Variants in PAK1 observed in about 807,000 individuals in gnomAD.
The protein encoded by PAK1 is serine/threonine-protein kinase PAK 1.
Under a neutral mutation model 67.4 loss-of-function variants are expected in PAK1, and 29 were observed. The ratio of observed to expected loss-of-function variants is 0.43; its 90% CI spans 0.32 to 0.59. PAK1 has a LOEUF of 0.59. Ranked by LOEUF, PAK1 falls within the 20% of genes least tolerant of loss-of-function variation. The pLI is 0.07. For missense variants in PAK1, 337 were observed against 670.7 expected, an observed-to-expected ratio of 0.50 and a Z score of 5.50; for synonymous variants, 223 against 237.4, an observed-to-expected ratio of 0.94 and a Z score of 0.56.
At chr11:77,448,496 A>ATAAGGAAGAACTTCAG (rs1478636733) in intron 1 of PAK1, among the ~76,000 whole-genome samples, 1 of 152,274 alleles carries the variant, frequency 6.6e-6, no homozygotes, top group East Asian at 1.9e-4. Flanking sequence ...AGAGTAACAC[A>ATAAGGAAGAACTTCAG]TAAACACTGA....
At chr11:77,335,966 C>A (rs1942621943) in intron 13 of PAK1, 120 bp downstream of exon 13, 3 of 559,662 alleles carry the variant, frequency 5.4e-6, no homozygotes, top group Non-Finnish European at 6.4e-6. Context: ...TCAACAGTGA[C>A]TAGTTGTATC....
chr11:77,326,079 A>G (rs984437699), intron 14 of PAK1, among the ~76,000 whole-genome samples: 2 of 152,220 alleles, frequency 1.3e-5, no homozygotes, highest in African/African-American at 2.4e-5. Context: ...ATGCCTTCAT[A>G]AAGTTGCATG....
intron 1 of PAK1, among the ~76,000 whole-genome samples, chr11:77,466,783 A>G (rs1957619281): frequency 6.6e-6 from 1 of 152,212 alleles, no homozygotes; most frequent in Non-Finnish European, 1.5e-5. Context: ...GCTATGGTGT[A>G]ATAGAAAAAG....
At chr11:77,464,606 T>G (rs529329771) in intron 1 of PAK1, among the ~76,000 whole-genome samples, 1 of 152,350 alleles carries the variant, frequency 6.6e-6, no homozygotes, top group South Asian at 2.1e-4. Context: ...ACTATAGAGC[T>G]GTACAGATGC....
chr11:77,416,312 A>G (rs1954948768), intron 1 of PAK1, among the ~76,000 whole-genome samples: 1 of 152,144 alleles, frequency 6.6e-6, no homozygotes, highest in Non-Finnish European at 1.5e-5. Flanking sequence ...TCTTTTTGTT[A>G]AAAACTAACA....
chr11:77,447,902 A>G (rs1241985119), intron 1 of PAK1, among the ~76,000 whole-genome samples: 1 of 152,206 alleles, frequency 6.6e-6, no homozygotes, highest in African/African-American at 2.4e-5. Context: ...CTCTAGGGCT[A>G]TTTCTTAATA....
At chr11:77,419,956 A>T (rs1347218059) in intron 1 of PAK1, among the ~76,000 whole-genome samples, 1 of 152,228 alleles carries the variant, frequency 6.6e-6, no homozygotes, top group Non-Finnish European at 1.5e-5. Flanking sequence ...TAAAGAAACA[A>T]GCAAAAGAAA....
chr11:77,518,742 T>G, the PAK1 span, among the ~76,000 whole-genome samples: 1 of 152,182 alleles, frequency 6.6e-6, no homozygotes, highest in African/African-American at 2.4e-5. Context: ...GATGAGCAAG[T>G]TAGTCTGATT....
chr11:77,328,146 T>A (rs1352988073), intron 14 of PAK1, among the ~76,000 whole-genome samples: 1 of 152,114 alleles, frequency 6.6e-6, no homozygotes, highest in African/African-American at 2.4e-5. Context: ...AAGTCCTTAG[T>A]GACCTACAAA....
At chr11:77,510,241 C>G in the PAK1 span, among the ~76,000 whole-genome samples, 1 of 152,180 alleles carries the variant, frequency 6.6e-6, no homozygotes, top group African/African-American at 2.4e-5. Flanking sequence ...CTTAGCCATA[C>G]CCCCATTGCT....
chr11:77,478,221 T>C (rs1222972315), upstream of PAK1, among the ~76,000 whole-genome samples: 1 of 152,158 alleles, frequency 6.6e-6, no homozygotes, highest in African/African-American at 2.4e-5. Context: ...TTTTTTTTTT[T>C]CTCATCAACA....
chr11:77,384,552 T>G (rs1194052895), intron 2 of PAK1, among the ~76,000 whole-genome samples: 1 of 152,224 alleles, frequency 6.6e-6, no homozygotes, highest in Admixed American at 6.5e-5. Flanking sequence ...TACATCCATA[T>G]ACTATTATTC....
the PAK1 span, among the ~76,000 whole-genome samples, chr11:77,491,356 G>C: frequency 6.6e-6 from 1 of 151,906 alleles, no homozygotes; most frequent in Non-Finnish European, 1.5e-5. Flanking sequence ...TTAAAAGCAG[G>C]GGGATGAAGC....
chr11:77,468,301 G>A (rs762721547), intron 1 of PAK1, among the ~76,000 whole-genome samples: 6 of 152,096 alleles, frequency 3.9e-5, no homozygotes, highest in Non-Finnish European at 7.4e-5. Flanking sequence ...TCAATACCAC[G>A]AAAACTCATG....
intron 1 of PAK1, among the ~76,000 whole-genome samples, chr11:77,443,882 G>GT (rs1956474094): frequency 6.6e-6 from 1 of 152,160 alleles, no homozygotes; most frequent in Non-Finnish European, 1.5e-5. Context: ...TCTTCAGCAA[G>GT]TTGTCTGTCA....
At chr11:77,449,937 T>A (rs1295549378) in intron 1 of PAK1, among the ~76,000 whole-genome samples, 1 of 152,204 alleles carries the variant, frequency 6.6e-6, no homozygotes, top group African/African-American at 2.4e-5. Context: ...TAGACAAGCA[T>A]GACAATCAAT....
the PAK1 span, among the ~76,000 whole-genome samples, chr11:77,520,009 C>CG: frequency 2.6e-5 from 4 of 152,062 alleles, no homozygotes; most frequent in Non-Finnish European, 4.4e-5. Context: ...GTGGCCCCCC[C>CG]CTCCGCCCGT....
rs1483676351 is a variant in PAK1, at chr11:77,332,938, T to C, written c.1414-71A>G. 1.8e-5 allele frequency: 26 copies of C among 1,420,364 alleles called. No homozygotes were observed. The South Asian group carries it at 2.1e-4, about 12-fold the overall frequency. The allele number at this position is 1,420,364 out of a possible 1,614,324, so 88.0% of individuals were successfully genotyped here. On this transcript the variant is annotated intron_variant, in intron 13 of 14. Coordinates refer to ENST00000356341, the MANE Select transcript of PAK1 (RefSeq NM_002576.5). ...TCTCTTGTTCCCCATATACAAGTTC[T>C]AGAAATATGGTCAGCTGCTTTATGC...
chr11:77,373,979 C>T (rs955084176), intron 5 of PAK1, among the ~76,000 whole-genome samples: 1 of 152,124 alleles, frequency 6.6e-6, no homozygotes, highest in Non-Finnish European at 1.5e-5. Context: ...CTCAAAGAGG[C>T]AAACTGACTT....
Sources: allele counts gnomAD v4.1 joint callset (sites outside exome capture counted in the v4.1 genomes callset), GRCh38; gene constraint gnomAD v4.1.1; transcripts MANE v1.5; gene names NCBI Gene and HGNC (gene_info 2026-07-23, HGNC 2026-07-21).